The following MCM3 variants were observed in gnomAD, a reference collection of about 807,000 sequenced individuals.
MCM3 encodes the protein minichromosome maintenance complex component 3.
Under a neutral mutation model 91.3 loss-of-function variants are expected in MCM3, and 59 were observed. The ratio of observed to expected loss-of-function variants is 0.65; its 90% confidence interval spans 0.52 to 0.80. The LOEUF is 0.80. Among genes scored for constraint, MCM3 ranks in the 30% least tolerant of loss-of-function variants. The probability of loss-of-function intolerance (pLI) is 0.00; values close to 1 mark genes in which losing one functional copy is unlikely to be tolerated. For synonymous variants in MCM3, 383 were observed against 379.6 expected (o/e 1.01, Z -0.10); for missense variants, 919 against 1,035.4 (o/e 0.89, Z 1.54).
intron 12 of MCM3, among the ~76,000 whole-genome samples, chr6:52,270,769 G>C (rs946991428): frequency 2.0e-5 from 3 of 152,176 alleles, no homozygotes; most frequent in African/African-American, 7.2e-5. Context: ...CAGTTAAAAA[G>C]AAAGTAAGCT....
At chr6:52,277,316 T>A in intron 7 of MCM3, 118 bp from the exon 8 acceptor site, 1 of 1,185,390 alleles carries the variant, frequency 8.4e-7, no homozygotes, top group Non-Finnish European at 1.2e-6. Flanking sequence ...ATTTTAATAT[T>A]TTTCCTTCGC....
chr6:52,275,108 A>G (rs1399444131), intron 9 of MCM3, among the ~76,000 whole-genome samples: 3 of 152,170 alleles, frequency 2.0e-5, no homozygotes, highest in Non-Finnish European at 4.4e-5. Flanking sequence ...TTGGCTACAC[A>G]TTAAAACCAA....
intron 16 of MCM3, chr6:52,265,456 AAGTG>A (rs1244276251): frequency 5.0e-6 from 1 of 198,070 alleles, no homozygotes; most frequent in Non-Finnish European, 1.1e-5. Flanking sequence ...TCAAAAAAAA[AAGTG>A]AGATCTATAC....
At chr6:52,267,819 T>C in intron 14 of MCM3, 46 bp downstream of exon 14, 1 of 779,636 alleles carries the variant, frequency 1.3e-6, no homozygotes, top group Non-Finnish European at 2.3e-6. Context: ...CACCCCCAAC[T>C]TCTTGGCCAC....
Position 52,282,821 on chromosome 6 carries a change from G to C in MCM3, c.232C>G (p.Arg78Gly). The change falls in exon 3 of 17, where the codon CGG (arginine) becomes GGG (glycine). Residue 78 changes from arginine (R) to glycine (G), a missense_variant. This residue lies in a region of MCM3 where 401 missense variants were observed against 402.7 expected (regional missense o/e 1.00). Coordinates refer to ENST00000596288, the MANE Select transcript of MCM3 (RefSeq NM_002388.6). ...GAGGCCACAAAATCCTTTAAGGCCC[G>C]CTGGAAGGCAACCAGCTCCTCAAAG... ...NAFEELVAFQ[R>G]ALKDFVASID... 1.2e-6 allele frequency: 2 copies of C among 1,614,006 alleles called. No homozygotes were observed. Among genetic ancestry groups the C allele is most frequent in the Non-Finnish European group, 1.7e-6 (2 of 1,180,010 alleles).
At chr6:52,274,690 GA>G (rs35200263) in intron 9 of MCM3, among the ~76,000 whole-genome samples, 32,091 of 123,772 alleles carry the variant, frequency 0.26, 4,938 homozygotes, top group East Asian at 0.49. Context: ...CTATGTCTCA[GA>G]AAAAAAAAAA....
rs1485752687 is a variant in MCM3 at position 52,276,942 on chromosome 6, C to A, written c.1165+125G>T. 12 of 1,095,414 alleles carry A rather than the reference C, an allele frequency of 1.1e-5. No individual in the cohort carries two copies. The East Asian group carries it at 2.9e-4, about 27-fold the overall frequency. The allele number at this position is 1,095,414 out of a possible 1,614,324, so 67.9% of individuals were successfully genotyped here. A position where few individuals can be genotyped will look rare whatever the true frequency, so the allele number is the denominator to read the frequency against. On this transcript the variant is annotated intron_variant, in intron 8 of 16. Transcript: ENST00000596288. Reference sequence around the variant, plus strand: ...AATTCACCCACCATTGCTGAATACTCAGTCCTCTATAATCTGGACCCAACT... The same window carrying A: ...AATTCACCCACCATTGCTGAATACTAAGTCCTCTATAATCTGGACCCAACT...
intron 13 of MCM3, among the ~76,000 whole-genome samples, chr6:52,268,209 T>G (rs1764801365): frequency 1.3e-5 from 2 of 152,192 alleles, no homozygotes; most frequent in African/African-American, 4.8e-5. Flanking sequence ...TCAATAAATG[T>G]TTACTGAATA....
At chr6:52,269,558 T>C (rs1284546392) in intron 12 of MCM3, among the ~76,000 whole-genome samples, 1 of 152,196 alleles carries the variant, frequency 6.6e-6, no homozygotes, top group Non-Finnish European at 1.5e-5. Flanking sequence ...GCAGGAAGTT[T>C]GCCTTTATAT....
chr6:52,266,627 C>T lies in MCM3; in HGVS notation c.2142G>A (p.Glu714=). The change falls in exon 15 of 17, where the codon GAG becomes GAA. Residue 714 remains glutamate (E), a synonymous_variant. Transcript: ENST00000596288. ...SYDPYDFSDT[E]EEMPQVHTPK... is the part of the protein sequence containing the mutation. ...CTCACTCACCTTGAGGCATTTCCTC[C>T]TCTGTGTCACTGAAGTCATAGGGGT... 2 of 1,614,118 alleles carry T rather than the reference C, an allele frequency of 1.2e-6. No homozygotes were observed. The highest frequency in any genetic ancestry group is 1.3e-5 in the African/African-American group (1 of 75,034).
chr6:52,277,389 CAAAAA>C, intron 7 of MCM3, 141 bp downstream of exon 7: 2 of 817,226 alleles, frequency 2.4e-6, no homozygotes, highest in Non-Finnish European at 3.6e-6. Flanking sequence ...CCAGAGATGA[CAAAAA>C]AAAAAAAGAT....
At chr6:52,271,421 T>A (rs1403743272) in intron 12 of MCM3, among the ~76,000 whole-genome samples, 1 of 152,196 alleles carries the variant, frequency 6.6e-6, no homozygotes, top group Non-Finnish European at 1.5e-5. Flanking sequence ...GCCGGGCGGA[T>A]CACCTGAGGT....
intron 9 of MCM3, among the ~76,000 whole-genome samples, chr6:52,274,621 C>T (rs10456156): frequency 0.06 from 9,028 of 150,690 alleles, 332 homozygotes; most frequent in Middle Eastern, 0.1. Context: ...CCAGGGAGGT[C>T]GAGGCTGCAG....
At chr6:52,282,225 A>T (rs779828436) in intron 3 of MCM3, 50 bp from the exon 4 acceptor site, 53 of 1,579,358 alleles carry the variant, frequency 3.4e-5, no homozygotes, top group Non-Finnish European at 4.6e-5. Context: ...AGACGATGAT[A>T]CAGGTGGAAC....
chr6:52,280,771 G>A (rs1297605387), intron 4 of MCM3, among the ~76,000 whole-genome samples: 1 of 152,182 alleles, frequency 6.6e-6, no homozygotes, highest in Non-Finnish European at 1.5e-5. Context: ...AAATACAACT[G>A]GCATGAATTA....
intron 16 of MCM3, 127 bp downstream of exon 16, chr6:52,265,948 G>T: frequency 1.5e-6 from 1 of 653,072 alleles, no homozygotes; most frequent in South Asian, 2.2e-5. Flanking sequence ...GTTAAAAGCT[G>T]CAGGCCTCTA....
intron 12 of MCM3, among the ~76,000 whole-genome samples, chr6:52,271,928 G>A (rs900046806): frequency 6.6e-6 from 1 of 151,824 alleles, no homozygotes. Flanking sequence ...AAATATGTAC[G>A]GAAGTCTTTC....
In MCM3 at chr6:52,269,232, G is replaced by T. The variant is rs752725387; in HGVS notation, c.1828-6C>A. On this transcript the variant is annotated splice_polypyrimidine_tract_variant and splice_region_variant and intron_variant, in intron 12 of 16. Coordinates refer to ENST00000596288, the MANE Select transcript of MCM3 (RefSeq NM_002388.6). ...CGGGCTGTAACTGGAGATGTCTAGG[G>T]AAGAAAAGGGAGGATTGCTTATCCC... 6.2e-7 allele frequency: 1 copy of T among 1,604,004 alleles called. No homozygotes were observed. Among genetic ancestry groups the T allele is most frequent in the South Asian group, 1.1e-5 (1 of 90,558 alleles).
chr6:52,282,987 A>T (rs539192578), intron 2 of MCM3, 126 bp from the exon 3 acceptor site: 9 of 710,506 alleles, frequency 1.3e-5, no homozygotes, highest in Non-Finnish European at 1.9e-5. Context: ...TTCTCCTATA[A>T]GTCTCAGTAA....
Sources: gnomAD v4.1 joint callset for allele counts (sites outside exome capture counted in the v4.1 genomes callset) on GRCh38, gnomAD v4.1.1 for gene constraint, gnomAD v4.1.1 regional missense constraint, MANE v1.5 for transcripts, NCBI Gene and HGNC (gene_info 2026-07-23, HGNC 2026-07-21) for gene names.